Variants in HTRA3 observed in about 807,000 individuals in gnomAD.
The protein encoded by HTRA3 is serine protease HTRA3.
In HTRA3, 41 loss-of-function variants were observed where a neutral mutation model predicts 43.2. That is an observed-to-expected ratio of 0.95 (90% CI 0.74 to 1.23). The LOEUF is 1.23. Ranked by LOEUF, HTRA3 falls within the 50% of genes most tolerant of loss-of-function variation. The pLI, the probability that HTRA3 is intolerant of heterozygous loss-of-function variation, is 0.00. For missense variants in HTRA3, 628 were observed against 647.1 expected (o/e 0.97, Z 0.32); for synonymous variants, 295 against 287.9 (o/e 1.02, Z -0.25).
intron 7 of HTRA3, among the ~76,000 whole-genome samples, chr4:8,303,335 C>T (rs1385661370): frequency 6.6e-6 from 1 of 152,220 alleles, no homozygotes; most frequent in Non-Finnish European, 1.5e-5. Context: ...AGGACTGTGA[C>T]CTACTTATTC....
intron 3 of HTRA3, among the ~76,000 whole-genome samples, chr4:8,288,899 G>A (rs10028898): frequency 9.9e-6 from 1 of 101,460 alleles, no homozygotes; most frequent in Non-Finnish European, 2.1e-5. Context: ...CCTTCCGTCC[G>A]TCCTTCCTTC....
intron 7 of HTRA3, among the ~76,000 whole-genome samples, chr4:8,303,644 T>A (rs1713736294): frequency 6.6e-6 from 1 of 152,232 alleles, no homozygotes; most frequent in Non-Finnish European, 1.5e-5. Context: ...ATTATCAATG[T>A]CCAGTATGCC....
At chr4:8,280,110 AGGT>A (rs1268389156) in intron 1 of HTRA3, among the ~76,000 whole-genome samples, 2 of 151,936 alleles carry the variant, frequency 1.3e-5, no homozygotes, top group Non-Finnish European at 2.9e-5. Flanking sequence ...GTGCAGGGGG[AGGT>A]GTAGAGAGGT....
intron 6 of HTRA3, among the ~76,000 whole-genome samples, chr4:8,299,181 C>T (rs373909345): frequency 8.5e-4 from 130 of 152,142 alleles, no homozygotes; most frequent in East Asian, 4.2e-3. Flanking sequence ...TTATAGTTTT[C>T]GGTGTACTGG....
At chr4:8,273,591 C>A (rs1002994105) in intron 1 of HTRA3, among the ~76,000 whole-genome samples, 1 of 146,222 alleles carries the variant, frequency 6.8e-6, no homozygotes, top group East Asian at 2.2e-4. Flanking sequence ...GGACTTCGGG[C>A]CCTATCTCCA....
intron 7 of HTRA3, among the ~76,000 whole-genome samples, chr4:8,303,316 T>G (rs1713728536): frequency 6.6e-6 from 1 of 152,186 alleles, no homozygotes; most frequent in South Asian, 2.1e-4. Context: ...TGTCAGCTCC[T>G]TGGGAGCAAG....
chr4:8,272,581 C>T (rs966951739), intron 1 of HTRA3, among the ~76,000 whole-genome samples: 3 of 152,238 alleles, frequency 2.0e-5, no homozygotes, highest in African/African-American at 7.2e-5. Context: ...ATGGGCAACC[C>T]CCAGACCACG....
chr4:8,288,707 T>C (rs9997892), intron 3 of HTRA3, among the ~76,000 whole-genome samples: 6,892 of 151,508 alleles, frequency 0.045, 543 homozygotes, highest in African/African-American at 0.16. Context: ...CAAGTAGCTG[T>C]GACTATAGGT....
intron 1 of HTRA3, 61 bp from the exon 2 acceptor site, chr4:8,282,376 C>A (rs1578793351): frequency 3.1e-6 from 4 of 1,308,168 alleles, no homozygotes; most frequent in East Asian, 2.5e-5. Flanking sequence ...TGGGCATAGG[C>A]CTCTGGGAGC....
At chr4:8,273,920 C>T (rs974228566) in intron 1 of HTRA3, among the ~76,000 whole-genome samples, 6 of 152,214 alleles carry the variant, frequency 3.9e-5, no homozygotes, top group African/African-American at 1.2e-4. Context: ...CCCTCCACCC[C>T]TCATTCTCCT....
At position 8,286,410 on chromosome 4, in the gene HTRA3, A is replaced by T; in HGVS notation, c.486-151A>T. The T allele has an allele frequency of 1.5e-6, 1 of 682,438 alleles. No individual in the cohort carries two copies. Among genetic ancestry groups the T allele is most frequent in the South Asian group, 1.7e-5 (1 of 57,252 alleles). The allele number at this position is 682,438 out of a possible 1,614,324, so 42.3% of individuals were successfully genotyped here. On this transcript the variant is annotated intron_variant, in intron 2 of 8. Transcript: ENST00000307358. The surrounding 1 kb of genome is among the most constrained non-coding windows in gnomAD (Gnocchi z 4.9). ...GGTGACTTGGCCAGGTCACAGGGCC[A>T]GGATTCAAATGGGAGCTTGAGGGAC... is the stretch of plus-strand genomic sequence containing the variant.
intron 1 of HTRA3, among the ~76,000 whole-genome samples, 162 bp from the exon 2 acceptor site, chr4:8,282,275 T>C (rs1046701031): frequency 6.6e-6 from 1 of 152,168 alleles, no homozygotes; most frequent in Admixed American, 6.5e-5. Context: ...CACTGCTGTG[T>C]GGTAGGGGGT....
chr4:8,302,367 C>T, intron 6 of HTRA3, 96 bp from the exon 7 acceptor site: 1 of 1,126,118 alleles, frequency 8.9e-7, no homozygotes, highest in East Asian at 2.4e-5. Context: ...GCTTCCTGGT[C>T]CTGCAGGGGA....
chr4:8,288,797 C>T (rs1010206475), intron 3 of HTRA3, among the ~76,000 whole-genome samples: 2 of 151,902 alleles, frequency 1.3e-5, no homozygotes, highest in Non-Finnish European at 2.9e-5. Flanking sequence ...GTCTTGAACT[C>T]CTGACCTCAG....
chr4:8,305,337 C>T (rs1243132568), intron 8 of HTRA3, among the ~76,000 whole-genome samples: 4 of 152,242 alleles, frequency 2.6e-5, no homozygotes, highest in Non-Finnish European at 5.9e-5. Flanking sequence ...TGAAATTTTC[C>T]ACACACATCT....
chr4:8,281,749 A>AGC (rs1712753929), intron 1 of HTRA3, among the ~76,000 whole-genome samples: 1 of 152,210 alleles, frequency 6.6e-6, no homozygotes, highest in East Asian at 1.9e-4. Context: ...CACAGCCCCT[A>AGC]CTGCTGACGG....
chr4:8,286,883 T>C lies in HTRA3; in HGVS notation c.708+100T>C. On this transcript the variant is annotated intron_variant, in intron 3 of 8. Coordinates refer to ENST00000307358, the MANE Select transcript of HTRA3 (RefSeq NM_053044.5). The surrounding 1 kb of genome is among the most constrained non-coding windows in gnomAD (Gnocchi z 4.9). ...AGAGGCAAGCTAGCCCCACCTTCCATCAGCCAGGGGGAGGAAACTGGGCCC... is the reference window on the plus strand; with the variant it reads ...AGAGGCAAGCTAGCCCCACCTTCCACCAGCCAGGGGGAGGAAACTGGGCCC... The C allele has an allele frequency of 1.1e-6, 1 of 911,626 alleles. No individual in the cohort carries two copies. Among genetic ancestry groups the C allele is most frequent in the South Asian group, 1.6e-5 (1 of 61,650 alleles). 56.5% of individuals were successfully genotyped at this position (911,626 alleles called of 1,614,324 possible).
In HTRA3 at chr4:8,280,224, C is replaced by T. The variant is rs545214080; in HGVS notation, c.386-2213C>T. 3.3e-5 allele frequency among the ~76,000 whole-genome samples: 5 copies of T among 152,314 alleles called. No individual in the cohort carries two copies. In the South Asian group the frequency reaches 1.0e-3, roughly 32 times the overall value. On this transcript the variant is annotated intron_variant, in intron 1 of 8. Coordinates refer to ENST00000307358, the MANE Select transcript of HTRA3 (RefSeq NM_053044.5). ...GGGCTGTGCCCGTGCCCTGGCGCTT[C>T]TCCTCAGGCGAGGCACATGGGGCGC...
chr4:8,273,308 C>T (rs1476352533), intron 1 of HTRA3, among the ~76,000 whole-genome samples: 1 of 152,202 alleles, frequency 6.6e-6, no homozygotes, highest in Non-Finnish European at 1.5e-5. Context: ...GGCTTCTGCC[C>T]TCCCGAGGTC....
Sources: allele counts gnomAD v4.1 joint callset (sites outside exome capture counted in the v4.1 genomes callset), GRCh38; gene constraint gnomAD v4.1.1; non-coding constraint Gnocchi (gnomAD v3.1); transcripts MANE v1.5; gene names NCBI Gene and HGNC (gene_info 2026-07-23, HGNC 2026-07-21).